The following CFAP221 variants were observed in gnomAD, a reference collection of about 807,000 sequenced individuals.
CFAP221 encodes cilia and flagella associated protein 221.
Under a neutral mutation model 113.1 loss-of-function variants are expected in CFAP221, and 97 were observed. The observed-to-expected ratio is 0.86, with a 90% CI of 0.73 to 1.02. The LOEUF is 1.02. CFAP221 is among the 50% of genes least tolerant of loss of function. The pLI, the probability that CFAP221 is intolerant of heterozygous loss-of-function variation, is 0.00. For missense variants in CFAP221, 1,025 were observed against 1,013.4 expected (o/e 1.01, Z -0.16); for synonymous variants, 331 against 354.4 (o/e 0.93, Z 0.74).
intron 21 of CFAP221, among the ~76,000 whole-genome samples, chr2:119,644,337 T>A (rs1272485587): frequency 6.6e-6 from 1 of 152,150 alleles, no homozygotes; most frequent in Non-Finnish European, 1.5e-5. Flanking sequence ...TGAAAAGCTC[T>A]TGGTTGCTGC....
Position 119,549,170 on chromosome 2 carries a change from A to C in CFAP221, c.225A>C (p.Gln75His), listed in dbSNP as rs548470004. 151 of 1,533,350 alleles carry C rather than the reference A, an allele frequency of 9.8e-5. No homozygotes were observed. Among genetic ancestry groups the C allele is most frequent in the South Asian group, 2.3e-4 (19 of 83,418 alleles). The allele number at this position is 1,533,350 out of a possible 1,614,324, so 95.0% of individuals were successfully genotyped here. A position where few individuals can be genotyped will look rare whatever the true frequency, so the allele number is the denominator to read the frequency against. The change falls in exon 3 of 24, where the codon CAA (glutamine) becomes CAC (histidine). Residue 75 changes from glutamine to histidine, a missense_variant. By Grantham distance (24) the Gln-to-His change is conservative (BLOSUM62 0). Transcript: ENST00000413369. ...TTGGAGGCTATCAAGTAGAAAAACA[A>C]CACCAACAGATTCTGGTAGGTACTT... is the stretch of plus-strand genomic sequence containing the variant. ...IHFGGYQVEK[Q>H]HQQILHLVNV...
In CFAP221 at chr2:119,634,488, A is replaced by G. The variant is rs536254037; in HGVS notation, c.1974+3587A>G. ...TTTCAAAAAATAAAGACAGAGAAAG[A>G]AAACAGGATATCAAAGAGATATTAG... On this transcript the variant is annotated intron_variant, in intron 19 of 23. Transcript: ENST00000413369. Among the ~76,000 whole-genome samples the G allele has an allele frequency of 4.6e-5, 7 of 152,264 alleles. No individual in the cohort carries two copies. The East Asian group carries it at 1.4e-3, about 29-fold the overall frequency.
At chr2:119,547,491 G>A (rs1308196536) in intron 2 of CFAP221, among the ~76,000 whole-genome samples, 1 of 152,102 alleles carries the variant, frequency 6.6e-6, no homozygotes, top group South Asian at 2.1e-4. Flanking sequence ...CCCAGGAGGC[G>A]GAGGTTGCAG....
At chr2:119,631,125 C>A (rs775530319) in intron 19 of CFAP221, 102 of 1,175,872 alleles carry the variant, frequency 8.7e-5, no homozygotes, top group Non-Finnish European at 1.0e-4. Context: ...ATTTTATGAT[C>A]TTTTCTAAAT....
chr2:119,616,917 T>C (rs528727174), intron 14 of CFAP221, among the ~76,000 whole-genome samples: 23 of 152,346 alleles, frequency 1.5e-4, no homozygotes, highest in African/African-American at 4.8e-4. Flanking sequence ...ACTTCCCTGG[T>C]GGGCAGGGCC....
chr2:119,647,976 CCACT>C (rs1301566550), intron 22 of CFAP221, among the ~76,000 whole-genome samples: 2 of 152,138 alleles, frequency 1.3e-5, no homozygotes, highest in Non-Finnish European at 1.5e-5. Flanking sequence ...ACCACCACCG[CCACT>C]CACTCACAGT....
chr2:119,570,360 T>G (rs1681956387), intron 6 of CFAP221, among the ~76,000 whole-genome samples: 1 of 152,216 alleles, frequency 6.6e-6, no homozygotes, highest in Admixed American at 6.5e-5. Flanking sequence ...AAGACACACT[T>G]ATACTTTCCA....
At chr2:119,564,384 T>C (rs561414565) in intron 6 of CFAP221, among the ~76,000 whole-genome samples, 2 of 152,174 alleles carry the variant, frequency 1.3e-5, no homozygotes, top group Non-Finnish European at 2.9e-5. Context: ...TCTTTAAAAA[T>C]TGTAAAATAA....
intron 6 of CFAP221, among the ~76,000 whole-genome samples, chr2:119,575,737 G>T (rs1340006655): frequency 6.6e-6 from 1 of 152,120 alleles, no homozygotes; most frequent in Non-Finnish European, 1.5e-5. Context: ...GGTTAAAATA[G>T]TACATTTTAT....
chr2:119,560,368 C>T (rs953177702), intron 5 of CFAP221, among the ~76,000 whole-genome samples: 2 of 152,200 alleles, frequency 1.3e-5, no homozygotes, highest in African/African-American at 4.8e-5. Context: ...CCCTTAAATG[C>T]TAGGTTGAAA....
At chr2:119,625,742 G>C in intron 15 of CFAP221, 54 bp downstream of exon 15, 6 of 1,446,886 alleles carry the variant, frequency 4.1e-6, no homozygotes, top group Non-Finnish European at 5.8e-6. Flanking sequence ...GCCTCTGAGC[G>C]TGAACTTTCC....
At chr2:119,650,628 A>C (rs1309466248) in intron 22 of CFAP221, among the ~76,000 whole-genome samples, 3 of 152,270 alleles carry the variant, frequency 2.0e-5, no homozygotes, top group African/African-American at 4.8e-5. Flanking sequence ...CTCACTGAGC[A>C]TTAAATGTGT....
intron 2 of CFAP221, among the ~76,000 whole-genome samples, chr2:119,548,551 T>C (rs2105006605): frequency 6.6e-6 from 1 of 152,326 alleles, no homozygotes; most frequent in South Asian, 2.1e-4. Flanking sequence ...CCAAAAGCAG[T>C]TTGAGACTTA....
At chr2:119,578,566 G>A (rs536339705) in intron 6 of CFAP221, among the ~76,000 whole-genome samples, 2 of 152,200 alleles carry the variant, frequency 1.3e-5, no homozygotes, top group Non-Finnish European at 2.9e-5. Context: ...GCTTCACTTG[G>A]TAGTGATACC....
rs562696208 is a variant in CFAP221 at position 119,602,034 on chromosome 2, G to T, written c.791+657G>T. On this transcript the variant is annotated intron_variant, in intron 8 of 23. Transcript: ENST00000413369. The stretch of plus-strand genomic sequence containing the variant: ...TATGAGCTTGTACTTTTACATGTCA[G>T]TACCTCTGGTTAACATCATGATTTT... Among the ~76,000 whole-genome samples, 5 of 152,214 alleles carry T rather than the reference G, an allele frequency of 3.3e-5. 1 individual carries two copies. In the South Asian group the frequency reaches 1.0e-3, roughly 32 times the overall value.
chr2:119,582,889 A>G lies in CFAP221; in HGVS notation c.528-4230A>G, dbSNP rs565995148. ...CAGTCCAGCAAGAGGCAAAAGAACA[A>G]AAATGAAGCAAAGTTGTTTTTTAGA... is the stretch of plus-strand genomic sequence containing the variant. On this transcript the variant is annotated intron_variant, in intron 6 of 23. Transcript: ENST00000413369. Among the ~76,000 whole-genome samples, 352 of 152,382 alleles carry G rather than the reference A, an allele frequency of 2.3e-3. 2 individuals are homozygous for G. Among genetic ancestry groups the G allele is most frequent in the African/African-American group, 7.7e-3 (319 of 41,596 alleles).
intron 6 of CFAP221, among the ~76,000 whole-genome samples, chr2:119,577,860 T>C (rs973471455): frequency 6.6e-6 from 1 of 152,214 alleles, no homozygotes; most frequent in Non-Finnish European, 1.5e-5. Flanking sequence ...CCTTTTTCTG[T>C]ATAAAAACCA....
At chr2:119,595,704 A>G (rs936280006) in intron 7 of CFAP221, among the ~76,000 whole-genome samples, 1 of 152,106 alleles carries the variant, frequency 6.6e-6, no homozygotes, top group Non-Finnish European at 1.5e-5. Flanking sequence ...GTCGGGGGAG[A>G]CAGGCAGGCC....
intron 14 of CFAP221, among the ~76,000 whole-genome samples, chr2:119,619,135 G>C (rs1302214078): frequency 6.6e-6 from 1 of 152,202 alleles, no homozygotes; most frequent in Non-Finnish European, 1.5e-5. Flanking sequence ...AGAGCACCTG[G>C]GGAAAGGGGC....
Sources: allele counts gnomAD v4.1 joint callset (sites outside exome capture counted in the v4.1 genomes callset), GRCh38; gene constraint gnomAD v4.1.1; transcripts MANE v1.5; gene names NCBI Gene and HGNC (gene_info 2026-07-23, HGNC 2026-07-21).